The following CDC25B variants were observed in gnomAD, a reference collection of about 807,000 sequenced individuals.
CDC25B encodes the protein cell division cycle 25B.
In CDC25B, 33 loss-of-function variants were observed where a neutral mutation model predicts 69.8. The ratio of observed to expected loss-of-function variants is 0.47; its 90% confidence interval spans 0.36 to 0.63. The LOEUF (loss-of-function observed/expected upper bound fraction) is 0.63. Among genes scored for constraint, CDC25B ranks in the 30% least tolerant of loss-of-function variants. The pLI is 0.00. For missense variants in CDC25B, 727 were observed against 809.1 expected, an observed-to-expected ratio of 0.90 and a Z score of 1.23; for synonymous variants, 341 against 314.6, an observed-to-expected ratio of 1.08 and a Z score of -0.89.
At position 3,803,529 on chromosome 20, in the gene CDC25B, G is replaced by A. The variant is rs149394412; in HGVS notation, c.1482G>A (p.Gly494=). The A allele has an allele frequency of 1.0e-4, 167 of 1,613,836 alleles. 1 individual carries two copies. The highest frequency in any genetic ancestry group is 1.3e-4 in the Non-Finnish European group (153 of 1,179,990). The change falls in exon 14 of 16, where the codon GGG becomes GGA. Residue 494 remains glycine, a synonymous_variant. Coordinates refer to ENST00000245960, the MANE Select transcript of CDC25B (RefSeq NM_021873.4). This position sits in a 1 kb window ranked among gnomAD's most constrained non-coding sequence, Gnocchi z 4.9. ...IFHCEFSSER[G]PRMCRFIRER... ...ACTGTGAATTCTCATCTGAGCGTGG[G>A]CCCCGCATGTGAGTCCCAGCTCCGC...
At chr20:3,791,621 T>G (rs2088915956), upstream of CDC25B, among the ~76,000 whole-genome samples, 1 of 152,210 alleles carries the variant, frequency 6.6e-6, no homozygotes, top group South Asian at 2.1e-4. Context: ...AGACAGATGT[T>G]GCAGTGAGCC....
chr20:3,790,602 A>G (rs2088899560), intron 1 of CDC25B, among the ~76,000 whole-genome samples: 1 of 151,268 alleles, frequency 6.6e-6, no homozygotes, highest in South Asian at 2.1e-4. Context: ...CGGGTGGATC[A>G]CGAGGTCACC....
chr20:3,806,010 C>T lies in CDC25B; in HGVS notation c.*1049C>T, dbSNP rs968643992. 2 of 398,806 alleles carry T rather than the reference C, an allele frequency of 5.0e-6. No homozygotes were observed. The highest frequency in any genetic ancestry group is 8.8e-6 in the Non-Finnish European group (2 of 226,140). 24.7% of individuals were successfully genotyped at this position (398,806 alleles called of 1,614,324 possible). A position where few individuals can be genotyped will look rare whatever the true frequency, so the allele number is the denominator to read the frequency against. ...AAGCAGCTAAACCAAGGACTGAGCACCCTCTGGATTCTGAATCTCAAGATG... is the reference window on the plus strand; with the variant it reads ...AAGCAGCTAAACCAAGGACTGAGCATCCTCTGGATTCTGAATCTCAAGATG... On this transcript the variant is annotated 3_prime_UTR_variant, in exon 16 of 16. Transcript: ENST00000245960.
chr20:3,805,540 T>C lies in CDC25B; in HGVS notation c.*579T>C, dbSNP rs1234773927. 2.6e-6 allele frequency: 1 copy of C among 382,310 alleles called. No individual in the cohort carries two copies. The highest frequency in any genetic ancestry group is 3.8e-5 in the East Asian group (1 of 26,298). The allele number at this position is 382,310 out of a possible 1,614,324, so 23.7% of individuals were successfully genotyped here. A position where few individuals can be genotyped will look rare whatever the true frequency, so the allele number is the denominator to read the frequency against. ...AAGCTCTTACTCTTTCCTATTTCAG[T>C]GTTACCTGTGTGCTTGGTCTGTTTG... is the stretch of plus-strand genomic sequence containing the variant. On this transcript the variant is annotated 3_prime_UTR_variant, in exon 16 of 16. Transcript: ENST00000245960.
At chr20:3,794,633 C>T (rs899729080), upstream of CDC25B, among the ~76,000 whole-genome samples, 11 of 152,174 alleles carry the variant, frequency 7.2e-5, no homozygotes, top group African/African-American at 2.6e-4. Flanking sequence ...CAGGGCATAA[C>T]CCCTGACCCA....
At chr20:3,795,368 A>G (rs377467761), upstream of CDC25B, among the ~76,000 whole-genome samples, 6,707 of 86,166 alleles carry the variant, frequency 0.078, 525 homozygotes, top group African/African-American at 0.3. Flanking sequence ...CAAAAAAAAC[A>G]AAACAAAACA....
chr20:3,799,434 G>T (rs1263436470), intron 3 of CDC25B, among the ~76,000 whole-genome samples: 1 of 152,040 alleles, frequency 6.6e-6, no homozygotes, highest in Non-Finnish European at 1.5e-5. Context: ...ATCCCTGAGT[G>T]GTTCCCTGCC....
intron 10 of CDC25B, 81 bp downstream of exon 10, chr20:3,802,181 G>A (rs1023502686): frequency 2.3e-5 from 36 of 1,548,008 alleles, no homozygotes; most frequent in Non-Finnish European, 2.9e-5. Context: ...CAGAGGGCAG[G>A]TGGCAGCCTG....
chr20:3,798,545 G>A, intron 3 of CDC25B, 82 bp downstream of exon 3: 1 of 1,178,380 alleles, frequency 8.5e-7, no homozygotes, highest in Non-Finnish European at 1.2e-6. Context: ...ATTCACCCGG[G>A]AGGCCTGGGA....
intron 2 of CDC25B, 141 bp downstream of exon 2, chr20:3,797,890 CACAGAAATGGGAGGAAGACA>C: frequency 2.0e-6 from 2 of 1,019,512 alleles, no homozygotes; most frequent in Non-Finnish European, 1.4e-6. Context: ...CCCCACCCTC[CACAGAAATGGGAGGAAGACA>C]CACCTCTTGT....
Position 3,800,870 on chromosome 20 carries a change from G to A in CDC25B, c.582+5G>A, listed in dbSNP as rs1274630806. 3 of 1,613,722 alleles carry A rather than the reference G, an allele frequency of 1.9e-6. No individual in the cohort carries two copies. Among genetic ancestry groups the A allele is most frequent in the Non-Finnish European group, 2.5e-6 (3 of 1,179,842 alleles). ...TCTGGGGAAGACAAGGAGAATGTGC[G>A]CTTCTGGAAGGCCGGGGTGGGAGCT... On this transcript the variant is annotated splice_donor_5th_base_variant and intron_variant, in intron 6 of 15. Coordinates refer to ENST00000245960, the MANE Select transcript of CDC25B (RefSeq NM_021873.4).
At chr20:3,792,618 C>T (rs1336644101), upstream of CDC25B, among the ~76,000 whole-genome samples, 1 of 152,188 alleles carries the variant, frequency 6.6e-6, no homozygotes, top group African/African-American at 2.4e-5. Context: ...CAGGTCGGTG[C>T]CACCAGGCCA....
At position 3,802,416 on chromosome 20, in the gene CDC25B, C is replaced by T. The variant is rs113651773; in HGVS notation, c.1194+40C>T. 2.7e-3 allele frequency: 3,856 copies of T among 1,411,350 alleles called. 42 individuals carry two copies. The African/African-American group carries it at 0.034, about 12-fold the overall frequency. The allele number at this position is 1,411,350 out of a possible 1,614,324, so 87.4% of individuals were successfully genotyped here. On this transcript the variant is annotated intron_variant, in intron 11 of 15. Transcript: ENST00000245960. ...GAAGGGGGTACCTTGGGGGCTTGAC[C>T]TCTTACTGACTAGGGGTCCTCTAGC...
chr20:3,803,114 G>C lies in CDC25B; in HGVS notation c.1264G>C (p.Ala422Pro). 6.2e-7 allele frequency: 1 copy of C among 1,613,614 alleles called. No individual in the cohort carries two copies. Among genetic ancestry groups the C allele is most frequent in the Non-Finnish European group, 8.5e-7 (1 of 1,179,574 alleles). Residue 422 changes from alanine (A) to proline (P), a missense_variant, in exon 13 of 16, where the codon GCC becomes CCC. By Grantham distance (27) the Ala-to-Pro change is conservative (BLOSUM62 -1). Coordinates refer to ENST00000245960, the MANE Select transcript of CDC25B (RefSeq NM_021873.4). The surrounding 1 kb of genome is among the most constrained non-coding windows in gnomAD (Gnocchi z 4.9). ...CCCCCATGACCTCCTACAGATGGTG[G>C]CCCTATTGACGGGCAAGTTCAGCAA... ...LKYISPETMV[A>P]LLTGKFSNIV...
intron 14 of CDC25B, 60 bp from the exon 15 acceptor site, chr20:3,804,509 C>T: frequency 9.3e-7 from 1 of 1,072,574 alleles, no homozygotes; most frequent in Non-Finnish European, 1.4e-6. Flanking sequence ...GGGATAGGTC[C>T]CATGATGTAC....
Position 3,805,330 on chromosome 20 carries a change from CG to C in CDC25B, c.*370del. The C allele has an allele frequency of 3.2e-6, 1 of 308,508 alleles. No individual in the cohort carries two copies. The highest frequency in any genetic ancestry group is 4.4e-5 in the Admixed American group (1 of 22,720). 19.1% of individuals were successfully genotyped at this position (308,508 alleles called of 1,614,324 possible). A position where few individuals can be genotyped will look rare whatever the true frequency, so the allele number is the denominator to read the frequency against. On this transcript the variant is annotated 3_prime_UTR_variant, in exon 16 of 16. Transcript: ENST00000245960. ...GTGTCAGCTGAGGCTGGGGGAGAGC[CG>C]TGGTCCCTGAGGATGGGTCAGAGCT... is the stretch of plus-strand genomic sequence containing the variant.
Position 3,802,279 on chromosome 20 carries a change from A to G in CDC25B, c.1099-2A>G. The G allele has an allele frequency of 6.2e-7, 1 of 1,610,910 alleles. No individual in the cohort carries two copies. The highest frequency in any genetic ancestry group is 8.5e-7 in the Non-Finnish European group (1 of 1,179,694). On this transcript the variant is annotated splice_acceptor_variant, in intron 10 of 15. Transcript: ENST00000245960. LOFTEE classifies it high-confidence loss of function. The stretch of plus-strand genomic sequence containing the variant: ...CTGGCCTCCATCTGACTCACTTTCC[A>G]GAAAGCCCGCGTCCTCCGCTCAAAA...
chr20:3,803,479 G>C lies in CDC25B; in HGVS notation c.1432G>C (p.Asp478His), dbSNP rs1354804778. The change falls in exon 14 of 16, where the codon GAC (aspartate) becomes CAC (histidine). Residue 478 changes from aspartate to histidine, a missense_variant. Physicochemically the swap from Asp to His is moderately conservative, Grantham distance 81 (BLOSUM62 -1). This residue lies in a region of CDC25B where 359 missense variants were observed against 463.4 expected (regional missense o/e 0.77). Transcript: ENST00000245960. This position sits in a 1 kb window ranked among gnomAD's most constrained non-coding sequence, Gnocchi z 4.9. ...LKSPIAPCSL[D>H]KRVILIFHCE... is the part of the protein sequence containing the mutation. ...GAGCCCCATCGCGCCCTGTAGCCTG[G>C]ACAAGAGAGTCATCCTCATTTTCCA... is the stretch of plus-strand genomic sequence containing the variant. The C allele has an allele frequency of 6.2e-7, 1 of 1,613,910 alleles. No homozygotes were observed. The highest frequency in any genetic ancestry group is 8.5e-7 in the Non-Finnish European group (1 of 1,180,000).
chr20:3,795,536 T>G (rs1338108421), upstream of CDC25B, among the ~76,000 whole-genome samples: 1 of 152,238 alleles, frequency 6.6e-6, no homozygotes, highest in Non-Finnish European at 1.5e-5. Flanking sequence ...GCCTCTCTGG[T>G]TGCTGACACC....
Sources: gnomAD v4.1 joint callset for allele counts (sites outside exome capture counted in the v4.1 genomes callset) on GRCh38, gnomAD v4.1.1 for gene constraint, gnomAD v4.1.1 regional missense constraint, Gnocchi (gnomAD v3.1) non-coding constraint, MANE v1.5 for transcripts, NCBI Gene and HGNC (gene_info 2026-07-23, HGNC 2026-07-21) for gene names.